PIP5K1B: variants seen among roughly 807,000 people sequenced by gnomAD.
The protein encoded by PIP5K1B is phosphatidylinositol 4-phosphate 5-kinase type-1 beta.
A neutral mutation model predicts 67.0 loss-of-function variants in PIP5K1B; 42 were observed. The ratio of observed to expected loss-of-function variants is 0.63; its 90% CI spans 0.49 to 0.81. The LOEUF (loss-of-function observed/expected upper bound fraction) is 0.81, where lower values mean the gene tolerates loss of function less well. PIP5K1B is among the 30% of genes least tolerant of loss of function. The pLI is 0.00. For synonymous variants in PIP5K1B, 214 were observed against 231.4 expected, an observed-to-expected ratio of 0.92 and a Z score of 0.68; for missense variants, 459 against 646.3, an observed-to-expected ratio of 0.71 and a Z score of 3.14.
chr9:68,994,959 T>C (rs1053993071), intron 15 of PIP5K1B, among the ~76,000 whole-genome samples: 8 of 148,572 alleles, frequency 5.4e-5, no homozygotes, highest in Admixed American at 2.8e-4. Flanking sequence ...AACACAGTGA[T>C]ACCTCATCTC....
At chr9:68,998,020 G>C (rs1017572185) in intron 15 of PIP5K1B, among the ~76,000 whole-genome samples, 23 of 149,970 alleles carry the variant, frequency 1.5e-4, no homozygotes, top group Non-Finnish European at 3.3e-4. Context: ...ATCTTGGCTT[G>C]CAGGCTAGCT....
chr9:68,910,441 T>A (rs1825798386), intron 8 of PIP5K1B, among the ~76,000 whole-genome samples: 1 of 152,238 alleles, frequency 6.6e-6, no homozygotes, highest in Non-Finnish European at 1.5e-5. Flanking sequence ...TGCACAGGTA[T>A]CAAGTTCTTA....
intron 14 of PIP5K1B, among the ~76,000 whole-genome samples, chr9:68,990,823 C>T (rs1396492957): frequency 6.6e-6 from 1 of 151,702 alleles, no homozygotes; most frequent in Non-Finnish European, 1.5e-5. Context: ...ACCACCACAC[C>T]CAGCTAATTT....
At chr9:68,864,009 C>T (rs771248969) in intron 5 of PIP5K1B, 42 bp downstream of exon 5, 2 of 1,600,778 alleles carry the variant, frequency 1.2e-6, no homozygotes, top group Non-Finnish European at 1.7e-6. Flanking sequence ...TGCTAAGGAA[C>T]CTTCTTTGTG....
Position 69,008,740 on chromosome 9 carries a change from T to G in PIP5K1B, c.*291T>G. 1 of 367,980 alleles carries G rather than the reference T, an allele frequency of 2.7e-6. No individual in the cohort carries two copies. The highest frequency in any genetic ancestry group is 4.3e-5 in the East Asian group (1 of 23,268). 22.8% of individuals were successfully genotyped at this position (367,980 alleles called of 1,614,324 possible). A position where few individuals can be genotyped will look rare whatever the true frequency, so the allele number is the denominator to read the frequency against. On this transcript the variant is annotated 3_prime_UTR_variant, in exon 16 of 16. Coordinates refer to ENST00000265382, the MANE Select transcript of PIP5K1B (RefSeq NM_003558.4). ...ACCATTGCCAATCACCTTTTTGGAG[T>G]TGGAAGTGCTATTTTCCTATGGACT...
At chr9:68,710,285 A>G (rs1827322090) in intron 1 of PIP5K1B, among the ~76,000 whole-genome samples, 1 of 152,110 alleles carries the variant, frequency 6.6e-6, no homozygotes, top group South Asian at 2.1e-4. Context: ...TCTACTGTTC[A>G]TTTGTGGTCT....
At chr9:68,956,393 C>A (rs1158013871) in intron 14 of PIP5K1B, among the ~76,000 whole-genome samples, 1 of 152,156 alleles carries the variant, frequency 6.6e-6, no homozygotes, top group South Asian at 2.1e-4. Context: ...TCACTTGAAC[C>A]CCGGAGGCAG....
intron 3 of PIP5K1B, among the ~76,000 whole-genome samples, chr9:68,819,756 A>G (rs1443101393): frequency 6.6e-6 from 1 of 152,168 alleles, no homozygotes; most frequent in Non-Finnish European, 1.5e-5. Context: ...TGTCCCTGCT[A>G]CATGGCCTCT....
chr9:68,775,691 T>C (rs1830882325), intron 2 of PIP5K1B, among the ~76,000 whole-genome samples: 1 of 152,224 alleles, frequency 6.6e-6, no homozygotes, highest in South Asian at 2.1e-4. Context: ...GGACCAACGT[T>C]GGCCACAGGT....
chr9:68,955,532 C>A (rs1473082855), intron 14 of PIP5K1B, among the ~76,000 whole-genome samples: 1 of 152,202 alleles, frequency 6.6e-6, no homozygotes, highest in Admixed American at 6.5e-5. Context: ...AAACAAGGGA[C>A]TCCCACATAA....
chr9:68,777,960 G>A (rs4623507), intron 2 of PIP5K1B, among the ~76,000 whole-genome samples: 16,486 of 152,104 alleles, frequency 0.11, 1,079 homozygotes, highest in Non-Finnish European at 0.16. Context: ...AGTCATTTGT[G>A]TCTCCTGTTC....
rs554234749 is a variant in PIP5K1B at position 68,872,106 on chromosome 9, G to A, written c.201-4571G>A. On this transcript the variant is annotated intron_variant, in intron 5 of 15. Transcript: ENST00000265382. ...GAGGCAAACGTTGATTGCGGTCATT[G>A]TGTTTGAATGTTGGCAGTTCTGCCA... is the stretch of plus-strand genomic sequence containing the variant. Among the ~76,000 whole-genome samples, 5 of 152,368 alleles carry A rather than the reference G, an allele frequency of 3.3e-5. No individual in the cohort carries two copies. The East Asian group carries it at 5.8e-4, about 18-fold the overall frequency.
intron 6 of PIP5K1B, among the ~76,000 whole-genome samples, chr9:68,887,800 A>G (rs578012375): frequency 3.3e-5 from 5 of 152,160 alleles, no homozygotes; most frequent in Admixed American, 1.3e-4. Flanking sequence ...TGAGGAATCA[A>G]GGATGATGCC....
intron 15 of PIP5K1B, among the ~76,000 whole-genome samples, chr9:68,995,057 T>C (rs1830544102): frequency 6.6e-6 from 1 of 151,650 alleles, no homozygotes; most frequent in African/African-American, 2.4e-5. Context: ...GGCTGGAGGA[T>C]CCCTCAGGCC....
At chr9:68,952,080 C>T (rs989881017) in intron 14 of PIP5K1B, among the ~76,000 whole-genome samples, 3 of 152,106 alleles carry the variant, frequency 2.0e-5, no homozygotes, top group Admixed American at 6.6e-5. Flanking sequence ...GACTGTAGTC[C>T]GATCGATATT....
At chr9:68,860,947 C>T (rs1045366135) in intron 4 of PIP5K1B, among the ~76,000 whole-genome samples, 2 of 152,122 alleles carry the variant, frequency 1.3e-5, no homozygotes, top group African/African-American at 4.8e-5. Flanking sequence ...CTCATACAGT[C>T]GTGAGGATAA....
chr9:68,780,085 AGCGGCGGCG>A, intron 2 of PIP5K1B: 79 of 1,423,912 alleles, frequency 5.5e-5, no homozygotes, highest in Middle Eastern at 5.3e-4. Flanking sequence ...TGGCGGCGGC[AGCGGCGGCG>A]GCCCTGGACT....
At chr9:68,889,190 A>C (rs867009052) in intron 7 of PIP5K1B, 57 bp downstream of exon 7, 3 of 1,389,434 alleles carry the variant, frequency 2.2e-6, no homozygotes, top group Middle Eastern at 1.9e-4. Context: ...TTTCCTCAAC[A>C]GTTTTTTTCT....
intron 8 of PIP5K1B, among the ~76,000 whole-genome samples, chr9:68,897,480 C>G (rs2132423673): frequency 6.6e-6 from 1 of 152,194 alleles, no homozygotes; most frequent in Non-Finnish European, 1.5e-5. Flanking sequence ...ATAGGCAAAG[C>G]AGTAGAAGCA....
Sources: gnomAD v4.1 joint callset for allele counts (sites outside exome capture counted in the v4.1 genomes callset) on GRCh38, gnomAD v4.1.1 for gene constraint, MANE v1.5 for transcripts, NCBI Gene and HGNC (gene_info 2026-07-23, HGNC 2026-07-21) for gene names.